Variants in SPOCK3 observed in about 807,000 individuals in gnomAD.
SPOCK3 encodes SPARC (osteonectin), cwcv and kazal like domains proteoglycan 3.
A neutral mutation model predicts 56.6 loss-of-function variants in SPOCK3; 30 were observed. That is an observed-to-expected ratio of 0.53 (90% CI 0.40 to 0.72). SPOCK3 has a LOEUF of 0.72. SPOCK3 is among the 30% of genes least tolerant of loss of function. The pLI, the probability that SPOCK3 is intolerant of heterozygous loss-of-function variation, is 0.00. For missense variants in SPOCK3, 527 were observed against 530.0 expected (o/e 0.99, Z 0.06); for synonymous variants, 196 against 183.3 (o/e 1.07, Z -0.56).
chr4:166,846,047 A>G (rs1473864917), intron 6 of SPOCK3, among the ~76,000 whole-genome samples: 1 of 152,172 alleles, frequency 6.6e-6, no homozygotes, highest in Non-Finnish European at 1.5e-5. Context: ...AAGTCTAAAC[A>G]TAAAAAAGGT....
intron 3 of SPOCK3, among the ~76,000 whole-genome samples, chr4:167,035,908 G>C (rs1752706652): frequency 6.6e-6 from 1 of 151,974 alleles, no homozygotes; most frequent in Non-Finnish European, 1.5e-5. Flanking sequence ...TAGCAATTCT[G>C]TTCCAATGTA....
intron 6 of SPOCK3, among the ~76,000 whole-genome samples, chr4:166,814,626 C>T (rs1437563709): frequency 6.6e-6 from 1 of 152,100 alleles, no homozygotes; most frequent in African/African-American, 2.4e-5. Context: ...CTTGGACTTA[C>T]ACCAGTGGTT....
chr4:166,962,182 G>A (rs1579816876), intron 4 of SPOCK3, among the ~76,000 whole-genome samples: 1 of 152,056 alleles, frequency 6.6e-6, no homozygotes, highest in African/African-American at 2.4e-5. Flanking sequence ...CATATCATAA[G>A]GTCAGCTGAT....
intron 3 of SPOCK3, among the ~76,000 whole-genome samples, chr4:167,021,712 T>C (rs1751197125): frequency 6.6e-6 from 1 of 151,684 alleles, no homozygotes; most frequent in Non-Finnish European, 1.5e-5. Flanking sequence ...GACCCATATC[T>C]ATACAAAAAA....
chr4:166,830,641 T>A (rs28625520), intron 6 of SPOCK3, among the ~76,000 whole-genome samples: 1,948 of 151,886 alleles, frequency 0.013, 47 homozygotes, highest in African/African-American at 0.044. Context: ...GACTGAGGCA[T>A]GAGAATTGCT....
Position 167,020,519 on chromosome 4 carries a change from G to C in SPOCK3, c.236-20056C>G, listed in dbSNP as rs368467531. ...AATGAACTAAGGCTCTTATGTAAAG[G>C]GCTTTTGGGTGTGAGTTCACTCTCA... is the stretch of plus-strand genomic sequence containing the variant. On this transcript the variant is annotated intron_variant, in intron 3 of 10. Transcript: ENST00000357545. Among the ~76,000 whole-genome samples the C allele has an allele frequency of 2.1e-4, 32 of 152,106 alleles. 2 individuals carry two copies. In the East Asian group the frequency reaches 4.3e-3, roughly 20 times the overall value.
intron 3 of SPOCK3, among the ~76,000 whole-genome samples, chr4:167,007,565 C>G: frequency 6.6e-6 from 1 of 152,034 alleles, no homozygotes; most frequent in East Asian, 1.9e-4. Flanking sequence ...ACTGCACTCT[C>G]CATAAAACCT....
chr4:167,233,037 C>A (rs574760108), intron 2 of SPOCK3, among the ~76,000 whole-genome samples: 1 of 152,292 alleles, frequency 6.6e-6, no homozygotes, highest in Admixed American at 6.5e-5. Context: ...GAACCACTCT[C>A]GCTCCAGTTC....
chr4:166,754,531 C>A lies in SPOCK3; in HGVS notation c.908G>T (p.Cys303Phe). 6.2e-7 allele frequency: 1 copy of A among 1,613,254 alleles called. No individual in the cohort carries two copies. Among genetic ancestry groups the A allele is most frequent in the Non-Finnish European group, 8.5e-7 (1 of 1,179,492 alleles). ...ACCTTGCTGTCTCTGGAAGCAGTAG[C>A]ACCACTCATTATTAGATATTAAACT... ...KDSLISNNEW[C>F]YCFQRQQDPP... The change falls in exon 8 of 11, where the codon TGC becomes TTC. Residue 303 changes from cysteine (C) to phenylalanine (F), a missense_variant. By Grantham distance (205) the Cys-to-Phe change is radical. Transcript: ENST00000357545.
At chr4:167,183,008 A>G (rs1266146759) in intron 2 of SPOCK3, among the ~76,000 whole-genome samples, 1 of 150,980 alleles carries the variant, frequency 6.6e-6, no homozygotes, top group Non-Finnish European at 1.5e-5. Flanking sequence ...CAGTGTGTCC[A>G]TTATGAGCAC....
intron 1 of SPOCK3, 130 bp downstream of exon 1, chr4:167,234,320 C>T: frequency 1.3e-6 from 1 of 763,528 alleles, no homozygotes. Context: ...TGTCCCCTCC[C>T]CGCAGGCTTT....
At chr4:166,803,546 TG>T (rs1387633315) in intron 6 of SPOCK3, among the ~76,000 whole-genome samples, 1 of 152,178 alleles carries the variant, frequency 6.6e-6, no homozygotes, top group Non-Finnish European at 1.5e-5. Context: ...GTCTTAAAGA[TG>T]ACAAACTTTG....
Position 167,201,661 on chromosome 4 carries a change from G to T in SPOCK3, c.189+32324C>A, listed in dbSNP as rs142296465. Among the ~76,000 whole-genome samples the T allele has an allele frequency of 8.6e-3, 1,302 of 151,458 alleles. 16 individuals are homozygous for T. The highest frequency in any genetic ancestry group is 0.025 in the African/African-American group (1,048 of 41,344). ...TTAAAAACACATTTACTGAATTATA[G>T]CAGAAGAAGAAATCACCTTTTTTTT... On this transcript the variant is annotated intron_variant, in intron 2 of 10. Transcript: ENST00000357545.
intron 6 of SPOCK3, among the ~76,000 whole-genome samples, chr4:166,817,962 A>G (rs187770247): frequency 6.6e-6 from 1 of 152,180 alleles, no homozygotes; most frequent in East Asian, 1.9e-4. Context: ...TAAAAATAAT[A>G]TCAGTAACCG....
chr4:166,775,745 G>A (rs1739454510), intron 7 of SPOCK3, among the ~76,000 whole-genome samples: 1 of 152,114 alleles, frequency 6.6e-6, no homozygotes. Context: ...ATTCACTGTT[G>A]GAATCCTGAA....
chr4:166,947,347 A>G (rs1741893711), intron 4 of SPOCK3, among the ~76,000 whole-genome samples: 1 of 152,178 alleles, frequency 6.6e-6, no homozygotes, highest in South Asian at 2.1e-4. Flanking sequence ...CTAAACTTTT[A>G]GAGCGTTATC....
intron 6 of SPOCK3, among the ~76,000 whole-genome samples, chr4:166,805,976 G>T (rs1368439305): frequency 6.6e-6 from 1 of 152,026 alleles, no homozygotes. Context: ...TTGCGGGAAA[G>T]CACAAGAAAA....
At chr4:166,810,943 T>A (rs961627116) in intron 6 of SPOCK3, among the ~76,000 whole-genome samples, 1 of 151,958 alleles carries the variant, frequency 6.6e-6, no homozygotes, top group South Asian at 2.1e-4. Flanking sequence ...TAGGATTGAA[T>A]TATTTAAATT....
chr4:167,123,601 C>T (rs1198015808), intron 2 of SPOCK3, among the ~76,000 whole-genome samples: 2 of 151,948 alleles, frequency 1.3e-5, no homozygotes, highest in Non-Finnish European at 2.9e-5. Context: ...GTATACTGTT[C>T]CACCCACCTC....
Sources: gnomAD v4.1 joint callset for allele counts (sites outside exome capture counted in the v4.1 genomes callset) on GRCh38, gnomAD v4.1.1 for gene constraint, MANE v1.5 for transcripts, NCBI Gene and HGNC (gene_info 2026-07-23, HGNC 2026-07-21) for gene names.